ELMOD2: variants seen among roughly 807,000 people sequenced by gnomAD.
ELMOD2 encodes ELMO domain-containing protein 2.
ELMOD2 carries 28 observed loss-of-function variants against 41.0 expected under a neutral mutation model. The ratio of observed to expected loss-of-function variants is 0.68; its 90% confidence interval spans 0.51 to 0.94. The LOEUF is 0.94. Among genes scored for constraint, ELMOD2 ranks in the 40% least tolerant of loss-of-function variants. ELMOD2 has a pLI of 0.00. For missense variants in ELMOD2, 333 were observed against 343.1 expected, an observed-to-expected ratio of 0.97 and a Z score of 0.23; for synonymous variants, 106 against 107.2, an observed-to-expected ratio of 0.99 and a Z score of 0.07.
intron 3 of ELMOD2, among the ~76,000 whole-genome samples, chr4:140,534,703 A>G (rs1345199646): frequency 6.6e-6 from 1 of 152,162 alleles, no homozygotes; most frequent in Non-Finnish European, 1.5e-5. Context: ...AGTTTTGAGC[A>G]TGTAATCAGT....
At position 140,552,077 on chromosome 4, in the gene ELMOD2, A is replaced by G. The variant is rs1038839938; in HGVS notation, c.*1702A>G. On this transcript the variant is annotated 3_prime_UTR_variant, in exon 9 of 9. Coordinates refer to ENST00000323570, the MANE Select transcript of ELMOD2 (RefSeq NM_153702.4). ...TCATGCTTTATTGTCCAGCTATACA[A>G]TATGTCGCAAAATCCTGACAAGTTC... is the stretch of plus-strand genomic sequence containing the variant. 3.3e-5 allele frequency: 5 copies of G among 152,038 alleles called. No individual in the cohort carries two copies. The highest frequency in any genetic ancestry group is 1.2e-4 in the African/African-American group (5 of 41,442). 9.4% of individuals were successfully genotyped at this position (152,038 alleles called of 1,614,324 possible). A position where few individuals can be genotyped will look rare whatever the true frequency, so the allele number is the denominator to read the frequency against.
chr4:140,535,550 A>G (rs1734892871), intron 3 of ELMOD2, 183 bp from the exon 4 acceptor site: 2 of 508,848 alleles, frequency 3.9e-6, no homozygotes, highest in Non-Finnish European at 3.4e-6. Flanking sequence ...TTCTTTTATT[A>G]TAAAACTATA....
At chr4:140,527,398 TTTATTA>T in intron 2 of ELMOD2, 62 bp from the exon 3 acceptor site, 1 of 1,238,520 alleles carries the variant, frequency 8.1e-7, no homozygotes, top group Non-Finnish European at 1.2e-6. Flanking sequence ...TTACTAGTTG[TTTATTA>T]TAGGGTAATT....
At chr4:140,537,603 C>G in intron 5 of ELMOD2, 62 bp downstream of exon 5, 1 of 1,570,924 alleles carries the variant, frequency 6.4e-7, no homozygotes, top group Non-Finnish European at 8.6e-7. Flanking sequence ...CAGGCTTCAG[C>G]TAAGTAAAGT....
intron 3 of ELMOD2, among the ~76,000 whole-genome samples, chr4:140,532,247 C>T (rs1218103654): frequency 1.3e-5 from 2 of 151,594 alleles, no homozygotes; most frequent in African/African-American, 4.9e-5. Flanking sequence ...TCACTGCACC[C>T]TCCACCTCCC....
intron 8 of ELMOD2, among the ~76,000 whole-genome samples, chr4:140,549,563 G>T (rs1265484172): frequency 6.6e-6 from 1 of 150,714 alleles, no homozygotes; most frequent in African/African-American, 2.4e-5. Flanking sequence ...TAGAAATCGA[G>T]TAGGAAATAA....
intron 3 of ELMOD2, among the ~76,000 whole-genome samples, chr4:140,533,481 A>G (rs187018893): frequency 2.6e-5 from 4 of 152,284 alleles, no homozygotes; most frequent in African/African-American, 2.4e-5. Flanking sequence ...CTCAACTTCA[A>G]TCTCTTACCA....
At chr4:140,542,744 AT>A in intron 7 of ELMOD2, 102 bp downstream of exon 7, 1 of 923,018 alleles carries the variant, frequency 1.1e-6, no homozygotes, top group Non-Finnish European at 1.6e-6. Context: ...AAAATAAAGT[AT>A]TTTAATAAGA....
chr4:140,540,259 C>G lies in ELMOD2; in HGVS notation c.491C>G (p.Thr164Arg). 6.2e-7 allele frequency: 1 copy of G among 1,614,170 alleles called. No homozygotes were observed. Among genetic ancestry groups the G allele is most frequent in the South Asian group, 1.1e-5 (1 of 91,088 alleles). ...GGTTTTCAGGGTGATGATCCCAAGA[C>G]AGACTTCAGAGGCATGGGCATACTT... ...EIGFQGDDPKTDFRGMGILGL... is the reference protein window; with the variant it reads ...EIGFQGDDPKRDFRGMGILGL... Residue 164 changes from threonine (T) to arginine (R), a missense_variant, in exon 6 of 9, where the codon ACA (threonine) becomes AGA (arginine). Thr to Arg is a moderately conservative substitution (Grantham distance 71). Transcript: ENST00000323570.
At chr4:140,546,473 C>G (rs1372998955) in intron 8 of ELMOD2, among the ~76,000 whole-genome samples, 1 of 151,538 alleles carries the variant, frequency 6.6e-6, no homozygotes, top group Non-Finnish European at 1.5e-5. Flanking sequence ...TACCCTAGAA[C>G]TTAAAGTATA....
chr4:140,538,924 A>G (rs563731841), intron 5 of ELMOD2, among the ~76,000 whole-genome samples: 1 of 152,330 alleles, frequency 6.6e-6, no homozygotes, highest in Admixed American at 6.5e-5. Flanking sequence ...GTGGTTCTAC[A>G]CTGTGGCTCT....
chr4:140,538,924 A>C (rs563731841), intron 5 of ELMOD2, among the ~76,000 whole-genome samples: 10 of 152,330 alleles, frequency 6.6e-5, no homozygotes, highest in Non-Finnish European at 1.2e-4. Flanking sequence ...GTGGTTCTAC[A>C]CTGTGGCTCT....
Position 140,542,657 on chromosome 4 carries a change from T to C in ELMOD2, c.602+15T>C. The C allele has an allele frequency of 6.3e-7, 1 of 1,580,452 alleles. No individual in the cohort carries two copies. Among genetic ancestry groups the C allele is most frequent in the Non-Finnish European group, 8.7e-7 (1 of 1,155,502 alleles). On this transcript the variant is annotated intron_variant, in intron 7 of 8. Coordinates refer to ENST00000323570, the MANE Select transcript of ELMOD2 (RefSeq NM_153702.4). ...CCAAAATTAGGGTAAGCTGGGTATA[T>C]TAAAGAAGCCGTAATCTCTTGCATT...
intron 3 of ELMOD2, among the ~76,000 whole-genome samples, chr4:140,532,551 A>G (rs1039908330): frequency 1.5e-4 from 23 of 152,222 alleles, no homozygotes; most frequent in Non-Finnish European, 3.4e-4. Flanking sequence ...TTCAGCAGAT[A>G]CTGAAAAACT....
chr4:140,535,611 A>C, intron 3 of ELMOD2, 122 bp from the exon 4 acceptor site: 1 of 805,940 alleles, frequency 1.2e-6, no homozygotes, highest in South Asian at 1.6e-5. Flanking sequence ...AACTGGTTGA[A>C]ACAAACTGGG....
chr4:140,526,539 A>G (rs1483110023), intron 2 of ELMOD2: 1 of 152,028 alleles, frequency 6.6e-6, no homozygotes, highest in Non-Finnish European at 1.5e-5. Flanking sequence ...TTTTGTGTTG[A>G]TCAAGTGTGC....
intron 3 of ELMOD2, 179 bp downstream of exon 3, chr4:140,527,673 T>G (rs1352418857): frequency 1.8e-6 from 1 of 541,258 alleles, no homozygotes; most frequent in African/African-American, 2.0e-5. Context: ...TTTTCGTGTG[T>G]ATTTCAAAGA....
chr4:140,550,118 A>G (rs1271449481), intron 8 of ELMOD2, 112 bp from the exon 9 acceptor site: 1 of 899,370 alleles, frequency 1.1e-6, no homozygotes. Context: ...ACTTTTGATT[A>G]TTGTATTCTA....
Position 140,535,844 on chromosome 4 carries a change from A to G in ELMOD2, c.269+14A>G, listed in dbSNP as rs376199839. The G allele has an allele frequency of 4.3e-4, 687 of 1,589,822 alleles. 5 individuals carry two copies. The highest frequency in any genetic ancestry group is 1.7e-4 in the Middle Eastern group (1 of 6,004). On this transcript the variant is annotated intron_variant, in intron 4 of 8. Transcript: ENST00000323570. ...GAAGGATGCCAGGTGTGCGTTTTTT[A>G]CATTATTCTTTTTTATTATGCATTT...
Sources: gnomAD v4.1 joint callset for allele counts (sites outside exome capture counted in the v4.1 genomes callset) on GRCh38, gnomAD v4.1.1 for gene constraint, MANE v1.5 for transcripts, NCBI Gene and HGNC (gene_info 2026-07-23, HGNC 2026-07-21) for gene names.